LRP1B: variants seen among roughly 807,000 people sequenced by gnomAD.
LRP1B encodes the protein LDL receptor related protein 1B, also known as low-density lipoprotein receptor-related protein 1B.
In LRP1B, 217 loss-of-function variants were observed where a neutral mutation model predicts 556.6. The ratio of observed to expected loss-of-function variants is 0.39; its 90% confidence interval spans 0.35 to 0.44. The LOEUF is 0.44. Ranked by LOEUF, LRP1B falls within the 20% of genes least tolerant of loss-of-function variation. The probability of loss-of-function intolerance (pLI) is 1.00; values close to 1 mark genes in which losing one functional copy is unlikely to be tolerated. For synonymous variants in LRP1B, 2,047 were observed against 1,865.8 expected, an observed-to-expected ratio of 1.10 and a Z score of -2.50; for missense variants, 5,053 against 5,620.8, an observed-to-expected ratio of 0.90 and a Z score of 3.23.
At chr2:140,830,414 G>A (rs1691675583) in intron 31 of LRP1B, among the ~76,000 whole-genome samples, 1 of 151,982 alleles carries the variant, frequency 6.6e-6, no homozygotes, top group Admixed American at 6.6e-5. Context: ...CAATCAAGTG[G>A]GAATTATTCC....
At chr2:140,296,894 C>T (rs1194769849) in intron 84 of LRP1B, among the ~76,000 whole-genome samples, 2 of 151,992 alleles carry the variant, frequency 1.3e-5, no homozygotes, top group African/African-American at 4.8e-5. Flanking sequence ...TGGACAACAA[C>T]TATATTTTCA....
intron 72 of LRP1B, among the ~76,000 whole-genome samples, chr2:140,363,578 T>C (rs143746462): frequency 9.9e-5 from 15 of 151,712 alleles, no homozygotes; most frequent in African/African-American, 3.4e-4. Flanking sequence ...CCCTGGTGAT[T>C]ACCCAGAGTT....
intron 18 of LRP1B, among the ~76,000 whole-genome samples, chr2:140,976,576 C>T (rs1004708327): frequency 4.4e-5 from 6 of 136,938 alleles, no homozygotes; most frequent in Non-Finnish European, 6.1e-5. Flanking sequence ...GGCGCGATCT[C>T]GGCTCATTGC....
chr2:140,867,864 G>C (rs78140276), intron 26 of LRP1B, 30 bp from the exon 27 acceptor site: 12 of 1,492,918 alleles, frequency 8.0e-6, no homozygotes, highest in Non-Finnish European at 1.1e-5. Context: ...TGAGTAGTTT[G>C]TCAAAACTCA....
intron 25 of LRP1B, among the ~76,000 whole-genome samples, chr2:140,877,321 G>A (rs1429324465): frequency 6.6e-6 from 1 of 151,854 alleles, no homozygotes; most frequent in Non-Finnish European, 1.5e-5. Context: ...TTATTTTCTT[G>A]TCACAGGACA....
intron 20 of LRP1B, among the ~76,000 whole-genome samples, chr2:140,941,086 A>G (rs923782626): frequency 4.6e-5 from 7 of 152,154 alleles, no homozygotes; most frequent in Non-Finnish European, 7.4e-5. Context: ...TTCCTTGTCT[A>G]TAAGAAGTTT....
At position 141,332,881 on chromosome 2, in the gene LRP1B, T is replaced by C. The variant is rs150235625; in HGVS notation, c.344-78240A>G. Among the ~76,000 whole-genome samples the C allele has an allele frequency of 3.1e-3, 476 of 152,080 alleles. 1 individual carries two copies. The highest frequency in any genetic ancestry group is 5.0e-3 in the Non-Finnish European group (340 of 67,908). ...GTCACAGTAAAGTCAGAGATTTACT[T>C]CAGATTTTCTCTTTCCATTGCATTC... On this transcript the variant is annotated intron_variant, in intron 3 of 90. Coordinates refer to ENST00000389484, the MANE Select transcript of LRP1B (RefSeq NM_018557.3).
intron 12 of LRP1B, among the ~76,000 whole-genome samples, chr2:141,018,971 T>C (rs72975037): frequency 0.052 from 7,883 of 152,116 alleles, 249 homozygotes; most frequent in Middle Eastern, 0.071. Flanking sequence ...ATTTTTTGTA[T>C]GTGTGCAGTA....
intron 62 of LRP1B, among the ~76,000 whole-genome samples, chr2:140,455,609 T>C (rs996771630): frequency 3.3e-5 from 5 of 152,194 alleles, no homozygotes; most frequent in African/African-American, 1.2e-4. Flanking sequence ...TTGTTATTTA[T>C]GCAGTTCTTT....
chr2:141,817,256 A>C (rs1306860872), intron 1 of LRP1B, among the ~76,000 whole-genome samples: 2 of 152,132 alleles, frequency 1.3e-5, no homozygotes, highest in African/African-American at 4.8e-5. Context: ...TAAAACAAGG[A>C]GCTTATGGAA....
intron 2 of LRP1B, among the ~76,000 whole-genome samples, chr2:141,603,922 T>C (rs1356233168): frequency 6.6e-6 from 1 of 152,174 alleles, no homozygotes; most frequent in Non-Finnish European, 1.5e-5. Context: ...TGTCATAGAT[T>C]CTAAGACCCA....
At chr2:141,519,745 A>G (rs1332908713) in intron 2 of LRP1B, among the ~76,000 whole-genome samples, 1 of 152,062 alleles carries the variant, frequency 6.6e-6, no homozygotes, top group Non-Finnish European at 1.5e-5. Flanking sequence ...TGTTGGCTGT[A>G]AGGAAAACAG....
At chr2:141,812,325 G>T (rs1025310951) in intron 1 of LRP1B, among the ~76,000 whole-genome samples, 15 of 151,940 alleles carry the variant, frequency 9.9e-5, no homozygotes, top group Non-Finnish European at 1.9e-4. Flanking sequence ...GTAATTATTA[G>T]TAATTATTAG....
chr2:141,300,667 G>A (rs143572931), intron 3 of LRP1B, among the ~76,000 whole-genome samples: 1 of 152,220 alleles, frequency 6.6e-6, no homozygotes, highest in East Asian at 1.9e-4. Context: ...AGAGTATGCA[G>A]CATTCCCCCG....
intron 6 of LRP1B, among the ~76,000 whole-genome samples, chr2:141,191,813 AACTC>A (rs1681523939): frequency 6.6e-6 from 1 of 151,820 alleles, no homozygotes; most frequent in African/African-American, 2.4e-5. Flanking sequence ...TAGAGCTCAG[AACTC>A]ACTGTTACAA....
chr2:142,017,051 T>A (rs1703170451), intron 1 of LRP1B, among the ~76,000 whole-genome samples: 1 of 151,748 alleles, frequency 6.6e-6, no homozygotes, highest in Admixed American at 6.6e-5. Flanking sequence ...GAAAGCTGCA[T>A]CTGAGTGAGA....
chr2:141,148,917 C>A (rs919414702), intron 7 of LRP1B, among the ~76,000 whole-genome samples: 7 of 152,010 alleles, frequency 4.6e-5, no homozygotes, highest in Non-Finnish European at 1.0e-4. Flanking sequence ...AACCCAGTCT[C>A]TACTAAAAAT....
intron 1 of LRP1B, among the ~76,000 whole-genome samples, chr2:142,054,025 T>A (rs1439408521): frequency 6.6e-6 from 1 of 152,114 alleles, no homozygotes; most frequent in African/African-American, 2.4e-5. Flanking sequence ...AAACCCTCGA[T>A]CACACTTTAA....
Position 140,744,360 on chromosome 2 carries a change from G to A in LRP1B, c.5758+24853C>T, listed in dbSNP as rs114924353. Among the ~76,000 whole-genome samples, 1,006 of 152,096 alleles carry A rather than the reference G, an allele frequency of 6.6e-3. 6 individuals carry two copies. The highest frequency in any genetic ancestry group is 0.023 in the African/African-American group (953 of 41,484). ...TATAACAAAATTTCATGGAAAATTCGTATTTTGATCTGAAGGACAGTGTTT... is the reference window on the plus strand; with the variant it reads ...TATAACAAAATTTCATGGAAAATTCATATTTTGATCTGAAGGACAGTGTTT... On this transcript the variant is annotated intron_variant, in intron 35 of 90. Coordinates refer to ENST00000389484, the MANE Select transcript of LRP1B (RefSeq NM_018557.3).
Sources: gnomAD v4.1 joint callset for allele counts (sites outside exome capture counted in the v4.1 genomes callset) on GRCh38, gnomAD v4.1.1 for gene constraint, MANE v1.5 for transcripts, NCBI Gene and HGNC (gene_info 2026-07-23, HGNC 2026-07-21) for gene names.